TTC34: variants seen among roughly 807,000 people sequenced by gnomAD.
TTC34 encodes the protein tetratricopeptide repeat domain 34, also known as tetratricopeptide repeat protein 34.
Under a neutral mutation model 40.7 loss-of-function variants are expected in TTC34, and 44 were observed. The ratio of observed to expected loss-of-function variants is 1.08; its 90% CI spans 0.85 to 1.39. The LOEUF is 1.39. Among genes scored for constraint, TTC34 ranks in the 40% most tolerant of loss-of-function variants. The probability of loss-of-function intolerance (pLI) is 0.00; values close to 1 mark genes in which losing one functional copy is unlikely to be tolerated. For missense variants in TTC34, 884 were observed against 838.0 expected (o/e 1.05, Z -0.68); for synonymous variants, 422 against 398.6 (o/e 1.06, Z -0.70).
chr1:2,685,961 C>T (rs1354859812), intron 6 of TTC34, among the ~76,000 whole-genome samples: 5 of 129,610 alleles, frequency 3.9e-5, no homozygotes, highest in East Asian at 2.2e-4. Flanking sequence ...CACCCACACC[C>T]ACAGGCGAGC....
intron 6 of TTC34, among the ~76,000 whole-genome samples, chr1:2,688,451 C>G (rs565506687): frequency 2.1e-5 from 3 of 141,690 alleles, no homozygotes; most frequent in African/African-American, 5.7e-5. Context: ...GACCCACACC[C>G]CTAGGTGAAC....
intron 7 of TTC34, 105 bp from the exon 8 acceptor site, chr1:2,644,583 G>T (rs1638981764): frequency 8.3e-7 from 1 of 1,208,798 alleles, no homozygotes; most frequent in Non-Finnish European, 1.1e-6. Context: ...TGGCTTGCGG[G>T]GAGCTGATGA....
intron 6 of TTC34, among the ~76,000 whole-genome samples, chr1:2,749,388 G>A (rs1326753943): frequency 2.2e-4 from 4 of 18,176 alleles, no homozygotes; most frequent in African/African-American, 8.7e-4. Context: ...TGACAGCCTG[G>A]AACAGCACCC....
intron 2 of TTC34, among the ~76,000 whole-genome samples, chr1:2,795,465 C>T (rs1447072388): frequency 1.3e-5 from 2 of 152,184 alleles, no homozygotes; most frequent in African/African-American, 4.8e-5. Flanking sequence ...TGTGTTCTCT[C>T]ACTGGTCATG....
Position 2,749,365 on chromosome 1 carries a change from C to G in TTC34, c.2226+34244G>C, listed in dbSNP as rs1238282851. Among the ~76,000 whole-genome samples the G allele has an allele frequency of 1.6e-5, 2 of 124,758 alleles. 1 individual carries two copies. Among genetic ancestry groups the G allele is most frequent in the Admixed American group, 1.6e-4 (2 of 12,638 alleles). 81.8% of individuals were successfully genotyped at this position (124,758 alleles called of 152,430 possible). ...ACAGACTGGAACAGCACCCACATGC[C>G]CAGGTGAGACCCTGACAGCCTGGAA... is the stretch of plus-strand genomic sequence containing the variant. On this transcript the variant is annotated intron_variant, in intron 6 of 8. Transcript: ENST00000401095.
intron 6 of TTC34, among the ~76,000 whole-genome samples, chr1:2,769,582 C>T (rs544207409): frequency 3.0e-4 from 38 of 128,040 alleles, no homozygotes; most frequent in South Asian, 1.1e-3. Flanking sequence ...TGGAACAGCA[C>T]CCCACACCTC....
intron 6 of TTC34, among the ~76,000 whole-genome samples, chr1:2,649,215 G>A (rs1639078273): frequency 6.6e-6 from 1 of 151,852 alleles, no homozygotes; most frequent in South Asian, 2.1e-4. Context: ...AACCCCAGGT[G>A]AGCTTGTGAC....
intron 6 of TTC34, among the ~76,000 whole-genome samples, chr1:2,646,709 T>C (rs1639027052): frequency 6.6e-6 from 1 of 152,228 alleles, no homozygotes; most frequent in Non-Finnish European, 1.5e-5. Context: ...GATAGCTTTG[T>C]TCAAAGAAAT....
chr1:2,775,348 C>T (rs1214590408), intron 6 of TTC34: 1 of 150,490 alleles, frequency 6.6e-6, no homozygotes, highest in East Asian at 2.0e-4. Context: ...CAGAACCCCG[C>T]TCTTCCAGGT....
chr1:2,639,408 G>GGCACCCCTAGGGGACGC lies in TTC34; in HGVS notation c.*1943_*1959dup, dbSNP rs1553149086. The stretch of plus-strand genomic sequence containing the variant: ...AGGAGCAGGGAACGTGGTGGGGAAG[G>GGCACCCCTAGGGGACGC]GCACCCCTAGGGGACGCCTCCCCAC... On this transcript the variant is annotated 3_prime_UTR_variant, in exon 9 of 9. Transcript: ENST00000401095. 3 of 152,638 alleles carry GGCACCCCTAGGGGACGC rather than the reference G, an allele frequency of 2.0e-5. No individual in the cohort carries two copies. In the East Asian group the frequency reaches 5.8e-4, roughly 30 times the overall value. The allele number at this position is 152,638 out of a possible 1,614,324, so 9.5% of individuals were successfully genotyped here. A position where few individuals can be genotyped will look rare whatever the true frequency, so the allele number is the denominator to read the frequency against.
intron 6 of TTC34, among the ~76,000 whole-genome samples, chr1:2,692,652 G>GAA (rs1640679254): frequency 4.2e-5 from 5 of 119,608 alleles, no homozygotes; most frequent in African/African-American, 7.0e-5. Flanking sequence ...ACATCGTGGA[G>GAA]CAGCACCCCA....
exon 9 of TTC34, chr1:2,640,876 G>T (rs1638885815): frequency 6.6e-6 from 1 of 151,520 alleles, no homozygotes. Flanking sequence ...CAGGGACCAG[G>T]TTGCTGGTGG....
At chr1:2,681,582 A>T (rs1294033183) in intron 6 of TTC34, among the ~76,000 whole-genome samples, 1 of 55,190 alleles carries the variant, frequency 1.8e-5, no homozygotes, top group East Asian at 4.8e-4. Flanking sequence ...AGCAGCATCC[A>T]CACCCACAGG....
chr1:2,653,643 T>TGC (rs1639231406), intron 6 of TTC34, among the ~76,000 whole-genome samples: 5 of 68,200 alleles, frequency 7.3e-5, no homozygotes, highest in South Asian at 4.3e-4. Context: ...TGGAGCAGCA[T>TGC]CCACACCCCC....
At chr1:2,688,028 CATGTAACA>C (rs1640445447) in intron 6 of TTC34, among the ~76,000 whole-genome samples, 6 of 124,494 alleles carry the variant, frequency 4.8e-5, no homozygotes, top group Admixed American at 8.0e-5. Context: ...CATCTGACTG[CATGTAACA>C]GCACCCACAC....
chr1:2,759,963 A>AAGTGAGCATCTGACACCCAGACCC (rs1641641417), intron 6 of TTC34, among the ~76,000 whole-genome samples: 1 of 36,644 alleles, frequency 2.7e-5, no homozygotes, highest in Admixed American at 2.4e-4. Context: ...CACCCACACC[A>AAGTGAGCATCTGACACCCAGACCC]CCAGGTGAGC....
Position 2,645,302 on chromosome 1 carries a change from T to C in TTC34, c.2488A>G (p.Met830Val). The C allele has an allele frequency of 6.7e-7, 1 of 1,490,642 alleles. No homozygotes were observed. The highest frequency in any genetic ancestry group is 8.9e-7 in the Non-Finnish European group (1 of 1,121,622). The allele number at this position is 1,490,642 out of a possible 1,614,324, so 92.3% of individuals were successfully genotyped here. ...TGGGGCCGCCGCATACCCTGTGCCA[T>C]GAGAATGTCTGCCAGGAGGAGGTGC... The change falls in exon 7 of 9, where the codon ATG becomes GTG. Residue 830 changes from methionine to valine, a missense_variant. By Grantham distance (21) the Met-to-Val change is conservative (BLOSUM62 1). Transcript: ENST00000401095. This position sits in a 1 kb window ranked among gnomAD's most constrained non-coding sequence, Gnocchi z 4.7.
At chr1:2,675,071 G>A (rs1639849262) in intron 6 of TTC34, among the ~76,000 whole-genome samples, 1 of 124,558 alleles carries the variant, frequency 8.0e-6, no homozygotes, top group Admixed American at 8.2e-5. Flanking sequence ...GTCAGGAGCA[G>A]TGCCCACACA....
intron 6 of TTC34, among the ~76,000 whole-genome samples, chr1:2,752,263 T>A (rs1361478159): frequency 1.3e-5 from 1 of 77,324 alleles, no homozygotes; most frequent in Non-Finnish European, 2.3e-5. Flanking sequence ...CAGCTGAGCC[T>A]CTGACAGCCT....
Sources: gnomAD v4.1 joint callset for allele counts (sites outside exome capture counted in the v4.1 genomes callset) on GRCh38, gnomAD v4.1.1 for gene constraint, Gnocchi (gnomAD v3.1) non-coding constraint, MANE v1.5 for transcripts, NCBI Gene and HGNC (gene_info 2026-07-23, HGNC 2026-07-21) for gene names.